The following CACNA1C variants were observed in gnomAD, a reference collection of about 807,000 sequenced individuals.
CACNA1C encodes calcium voltage-gated channel subunit alpha1 C.
In CACNA1C, 30 loss-of-function variants were observed where a neutral mutation model predicts 229.0. That is an observed-to-expected ratio of 0.13 (90% confidence interval 0.10 to 0.18). The LOEUF is 0.18. CACNA1C is among the 10% of genes least tolerant of loss of function. CACNA1C has a pLI of 1.00. For missense variants in CACNA1C, 1,658 were observed against 2,845.0 expected (o/e 0.58, Z 9.49); for synonymous variants, 1,114 against 1,132.5 (o/e 0.98, Z 0.33).
intron 46 of CACNA1C, 105 bp from the exon 47 acceptor site, chr12:2,690,795 C>T: frequency 8.6e-7 from 1 of 1,164,672 alleles, no homozygotes; most frequent in Non-Finnish European, 1.2e-6. Flanking sequence ...CACACTTCCC[C>T]AAGTGACCTA....
At chr12:2,127,430 T>A (rs2090545363) in intron 3 of CACNA1C, among the ~76,000 whole-genome samples, 1 of 152,228 alleles carries the variant, frequency 6.6e-6, no homozygotes, top group Non-Finnish European at 1.5e-5. Context: ...ATGATGACAA[T>A]GAAATGAGCT....
Position 1,971,990 on chromosome 12 carries a change from T to C in CACNA1C, c.139+789T>C, listed in dbSNP as rs906481045. On this transcript the variant is annotated intron_variant, in intron 1 of 46. Transcript: ENST00000682462. The surrounding 1 kb of genome is among the most constrained non-coding windows in gnomAD (Gnocchi z 4.2). The stretch of plus-strand genomic sequence containing the variant: ...AATTAGGAAGTGGATGATAAACACA[T>C]AATTACATGGGTAAAATTTAAATAG... Among the ~76,000 whole-genome samples, 2 of 152,242 alleles carry C rather than the reference T, an allele frequency of 1.3e-5. No homozygotes were observed. Among genetic ancestry groups the C allele is most frequent in the African/African-American group, 4.8e-5 (2 of 41,472 alleles).
chr12:2,106,159 C>T (rs1275130754), intron 1 of CACNA1C, among the ~76,000 whole-genome samples: 3 of 50,520 alleles, frequency 5.9e-5, no homozygotes, highest in East Asian at 6.4e-4. Flanking sequence ...AGCCACTGGG[C>T]GCCCACCCTG....
chr12:2,246,316 G>A (rs1490564621), intron 3 of CACNA1C, among the ~76,000 whole-genome samples: 1 of 152,154 alleles, frequency 6.6e-6, no homozygotes, highest in Non-Finnish European at 1.5e-5. Flanking sequence ...ACCCAATTCT[G>A]TAGATCGGGG....
intron 3 of CACNA1C, among the ~76,000 whole-genome samples, chr12:2,209,006 A>G (rs2097842705): frequency 6.6e-6 from 1 of 152,174 alleles, no homozygotes; most frequent in African/African-American, 2.4e-5. Flanking sequence ...GGGTTTGTGC[A>G]TGGCAAAGCT....
At chr12:2,436,494 G>A (rs942637107) in intron 3 of CACNA1C, among the ~76,000 whole-genome samples, 2 of 152,182 alleles carry the variant, frequency 1.3e-5, no homozygotes, top group African/African-American at 4.8e-5. Context: ...AATTACATGG[G>A]CTACCCTTGG....
intron 6 of CACNA1C, among the ~76,000 whole-genome samples, chr12:2,491,409 GGAGA>G (rs1354853472): frequency 9.2e-5 from 14 of 151,986 alleles, no homozygotes; most frequent in Non-Finnish European, 1.5e-4. Context: ...GGGGTCAGTG[GGAGA>G]GAAAGAGAGG....
At chr12:2,482,974 G>C (rs908071197) in intron 5 of CACNA1C, among the ~76,000 whole-genome samples, 4 of 152,206 alleles carry the variant, frequency 2.6e-5, no homozygotes, top group Non-Finnish European at 5.9e-5. Flanking sequence ...ATTGAATGAT[G>C]TTATTTCCAA....
chr12:2,674,579 A>G lies in CACNA1C; in HGVS notation c.4765A>G (p.Ile1589Val). ...EQANEELRAIIKKIWKRTSMK... is the reference protein window; with the variant it reads ...EQANEELRAIVKKIWKRTSMK... ...AGCCAATGAGGAGCTGCGGGCGATCATCAAGAAGATCTGGAAGCGGACCAG... is the reference window on the plus strand; with the variant it reads ...AGCCAATGAGGAGCTGCGGGCGATCGTCAAGAAGATCTGGAAGCGGACCAG... Residue 1589 changes from isoleucine to valine, a missense_variant, in exon 39 of 47, where the codon ATC becomes GTC. By Grantham distance (29) the Ile-to-Val change is conservative (BLOSUM62 3). Around this residue, in one of 20 missense-constraint regions of CACNA1C, gnomAD observed 151 missense variants for 344.4 expected, o/e 0.44. Coordinates refer to ENST00000399655, the MANE Select transcript of CACNA1C (RefSeq NM_000719.7). 1.3e-6 allele frequency: 2 copies of G among 1,574,590 alleles called. No individual in the cohort carries two copies. Among genetic ancestry groups the G allele is most frequent in the Non-Finnish European group, 1.7e-6 (2 of 1,159,454 alleles).
rs2238021 is a variant in CACNA1C, at chr12:2,076,693, G to A, written c.49+23082G>A. 0.014 allele frequency among the ~76,000 whole-genome samples: 2,181 copies of A among 152,246 alleles called. 137 individuals carry two copies. In the East Asian group the frequency reaches 0.22, roughly 15 times the overall value. ...TGCCTCTGGCTTTTTTCCCAAGTTC[G>A]ATTCCCATTTATTCTACACTTGTAT... On this transcript the variant is annotated intron_variant, in intron 1 of 46. Transcript: ENST00000399655.
chr12:2,251,284 C>T (rs1291371726), intron 3 of CACNA1C, among the ~76,000 whole-genome samples: 1 of 152,142 alleles, frequency 6.6e-6, no homozygotes, highest in Non-Finnish European at 1.5e-5. Flanking sequence ...ACTGACATGT[C>T]TCCTGGGATC....
Position 2,504,577 on chromosome 12 carries a change from C to A in CACNA1C, c.1114-265C>A. On this transcript the variant is annotated intron_variant, in intron 7 of 46. Coordinates refer to ENST00000399655, the MANE Select transcript of CACNA1C (RefSeq NM_000719.7). The surrounding 1 kb of genome is among the most constrained non-coding windows in gnomAD (Gnocchi z 6.8). ...TTTCTATGTCCTCTCCACAACGCAGCCGAGCAAGGTCTCAGGTTCCACTCC... is the reference window on the plus strand; with the variant it reads ...TTTCTATGTCCTCTCCACAACGCAGACGAGCAAGGTCTCAGGTTCCACTCC... 1.6e-6 allele frequency: 2 copies of A among 1,242,594 alleles called. No homozygotes were observed. The highest frequency in any genetic ancestry group is 2.4e-6 in the Non-Finnish European group (2 of 841,930). 77.0% of individuals were successfully genotyped at this position (1,242,594 alleles called of 1,614,324 possible).
chr12:2,164,849 C>G (rs1312995541), intron 3 of CACNA1C, among the ~76,000 whole-genome samples: 3 of 152,170 alleles, frequency 2.0e-5, no homozygotes, highest in African/African-American at 7.2e-5. Flanking sequence ...ACAGGTATGG[C>G]GCACACACAG....
At chr12:2,286,798 TTA>T (rs1029599440) in intron 3 of CACNA1C, among the ~76,000 whole-genome samples, 35 of 152,204 alleles carry the variant, frequency 2.3e-4, no homozygotes, top group African/African-American at 6.3e-4. Context: ...CTTACAACTT[TTA>T]TGTTTTTTCT....
At chr12:2,475,531 T>C (rs981863571) in intron 5 of CACNA1C, among the ~76,000 whole-genome samples, 1 of 152,118 alleles carries the variant, frequency 6.6e-6, no homozygotes, top group Non-Finnish European at 1.5e-5. Context: ...GAACCAGATA[T>C]GGAAAAGAAC....
At chr12:2,603,737 A>G (rs1282068401) in intron 22 of CACNA1C, 1 of 152,246 alleles carries the variant, frequency 6.6e-6, no homozygotes, top group Non-Finnish European at 1.5e-5. Flanking sequence ...GTAGGAGCCA[A>G]AGGGACTGGC....
At chr12:2,052,911 G>T, upstream of CACNA1C, 1 of 897,574 alleles carries the variant, frequency 1.1e-6, no homozygotes. Flanking sequence ...GCGGGCGGGC[G>T]GCGCGGGCAG....
chr12:2,135,180 G>C (rs1408278353), intron 3 of CACNA1C, among the ~76,000 whole-genome samples: 2 of 145,560 alleles, frequency 1.4e-5, no homozygotes. Flanking sequence ...GCACTTCTCT[G>C]TATTGGTTAT....
chr12:2,259,687 C>CTAT (rs769116250), intron 3 of CACNA1C, among the ~76,000 whole-genome samples: 6 of 152,160 alleles, frequency 3.9e-5, no homozygotes, highest in African/African-American at 7.2e-5. Flanking sequence ...AGAGCAGGAG[C>CTAT]TATACGTTTT....
Sources: allele counts gnomAD v4.1 joint callset (sites outside exome capture counted in the v4.1 genomes callset), GRCh38; gene constraint gnomAD v4.1.1; regional missense constraint gnomAD v4.1.1; non-coding constraint Gnocchi (gnomAD v3.1); transcripts MANE v1.5; gene names NCBI Gene and HGNC (gene_info 2026-07-23, HGNC 2026-07-21).